DLGAP2: variants seen among roughly 807,000 people sequenced by gnomAD.
DLGAP2 encodes DLG associated protein 2, also known as disks large-associated protein 2.
Under a neutral mutation model 100.3 loss-of-function variants are expected in DLGAP2, and 26 were observed. The ratio of observed to expected loss-of-function variants is 0.26; its 90% CI spans 0.19 to 0.36. The LOEUF (loss-of-function observed/expected upper bound fraction) is 0.36. DLGAP2 is among the 10% of genes least tolerant of loss of function. The pLI is 1.00. For synonymous variants in DLGAP2, 886 were observed against 630.1 expected, an observed-to-expected ratio of 1.41 and a Z score of -6.08; for missense variants, 1,858 against 1,453.2, an observed-to-expected ratio of 1.28 and a Z score of -4.53.
chr8:1,373,239 C>T (rs1331882765), intron 3 of DLGAP2, among the ~76,000 whole-genome samples: 6 of 149,066 alleles, frequency 4.0e-5, no homozygotes, highest in Non-Finnish European at 5.9e-5. Context: ...GAGAAAGCCA[C>T]GCCCCTCGGG....
intron 2 of DLGAP2, among the ~76,000 whole-genome samples, chr8:1,189,946 C>A (rs534645715): frequency 6.6e-6 from 1 of 152,222 alleles, no homozygotes; most frequent in Non-Finnish European, 1.5e-5. Flanking sequence ...TAGGAAAAGC[C>A]AAGTAGGGTG....
intron 2 of DLGAP2, among the ~76,000 whole-genome samples, chr8:1,236,270 T>TTCTGGTTCTCTCACATGGCGCCGTG (rs1554508159): frequency 0.023 from 319 of 14,170 alleles, 1 homozygote; most frequent in African/African-American, 0.026. Context: ...ATGGTGCCGT[T>TTCTGGTTCTCTCACATGGCGCCGTG]TCTAGTTCTC....
intron 3 of DLGAP2, among the ~76,000 whole-genome samples, chr8:1,352,314 C>A (rs1047617243): frequency 1.3e-5 from 2 of 150,806 alleles, no homozygotes; most frequent in Non-Finnish European, 3.0e-5. Flanking sequence ...AAAGGCCGTG[C>A]GGGTCCTGAG....
At position 1,701,303 on chromosome 8, in the gene DLGAP2, G is replaced by A. The variant is rs1295546888; in HGVS notation, c.3065G>A (p.Arg1022His). ...AGACAACGCCAGGAAGCCCGGAGGCGCCTCATGGCCGCCAAGCGAGCGGCG... is the reference window on the plus strand; with the variant it reads ...AGACAACGCCAGGAAGCCCGGAGGCACCTCATGGCCGCCAAGCGAGCGGCG... ...PDRQRQEARR[R>H]LMAAKRAASF... Residue 1022 changes from arginine to histidine, a missense_variant, in exon 15 of 15, where the codon CGC becomes CAC. Transcript: ENST00000637795. 4 of 1,585,536 alleles carry A rather than the reference G, an allele frequency of 2.5e-6. No individual in the cohort carries two copies. The highest frequency in any genetic ancestry group is 1.2e-5 in the South Asian group (1 of 86,898).
At chr8:1,026,842 T>G (rs1327491173) in intron 2 of DLGAP2, among the ~76,000 whole-genome samples, 4 of 152,238 alleles carry the variant, frequency 2.6e-5, no homozygotes, top group African/African-American at 9.6e-5. Context: ...TATATGATAT[T>G]CTAACTGACC....
At chr8:1,616,909 A>C (rs1797173148) in intron 6 of DLGAP2, among the ~76,000 whole-genome samples, 1 of 152,076 alleles carries the variant, frequency 6.6e-6, no homozygotes, top group Admixed American at 6.6e-5. Flanking sequence ...AGGAGGCCCC[A>C]GTATGTGTAG....
At chr8:1,352,715 G>A (rs1801763731) in intron 3 of DLGAP2, among the ~76,000 whole-genome samples, 2 of 152,132 alleles carry the variant, frequency 1.3e-5, no homozygotes, top group South Asian at 4.1e-4. Context: ...TCTGCCCTGA[G>A]TTTTACAGCT....
At position 1,489,934 on chromosome 8, in the gene DLGAP2, C is replaced by T. The variant is rs191633887; in HGVS notation, c.107-11432C>T. 1.1e-4 allele frequency among the ~76,000 whole-genome samples: 16 copies of T among 152,222 alleles called. No individual in the cohort carries two copies. The East Asian group carries it at 2.9e-3, about 28-fold the overall frequency. On this transcript the variant is annotated intron_variant, in intron 3 of 14. Transcript: ENST00000637795. ...TAAGATGGAGTCTCACTCTGTCTCC[C>T]AGGCTGGAGTGCAGTGGCACAATCT...
At position 1,283,186 on chromosome 8, in the gene DLGAP2, G is replaced by A. The variant is rs62483900; in HGVS notation, c.106+24303G>A. 1.7e-3 allele frequency among the ~76,000 whole-genome samples: 230 copies of A among 133,824 alleles called. 1 individual carries two copies. Among genetic ancestry groups the A allele is most frequent in the African/African-American group, 5.8e-3 (204 of 35,412 alleles). The allele number at this position is 133,824 out of a possible 152,430, so 87.8% of individuals were successfully genotyped here. A position where few individuals can be genotyped will look rare whatever the true frequency, so the allele number is the denominator to read the frequency against. On this transcript the variant is annotated intron_variant, in intron 3 of 14. Transcript: ENST00000637795. ...ACGTGGTGTGACCTGAACCCAGCACGTGAACCATCCAGACGTGGTGTGACC... is the reference window on the plus strand; with the variant it reads ...ACGTGGTGTGACCTGAACCCAGCACATGAACCATCCAGACGTGGTGTGACC...
intron 7 of DLGAP2, among the ~76,000 whole-genome samples, chr8:1,630,236 G>A (rs543952098): frequency 3.9e-5 from 6 of 152,146 alleles, no homozygotes; most frequent in Non-Finnish European, 8.8e-5. Context: ...AGAAGACTGT[G>A]TCACACCCAG....
rs13254307 is a variant in DLGAP2, at chr8:753,298, C to T, written c.18+15473C>T. Among the ~76,000 whole-genome samples the T allele has an allele frequency of 7.6e-3, 1,152 of 152,292 alleles. 3 individuals carry two copies. The highest frequency in any genetic ancestry group is 0.016 in the South Asian group (76 of 4,828). ...CGCGTCTTTGGAGGCTCACCAGTGC[C>T]GGGAGGTCAGGCCGTCCCCTGCTCT... On this transcript the variant is annotated intron_variant, in intron 1 of 14. Transcript: ENST00000637795.
At position 1,386,545 on chromosome 8, in the gene DLGAP2, C is replaced by T. The variant is rs78609133; in HGVS notation, c.107-114821C>T. 3.8e-3 allele frequency among the ~76,000 whole-genome samples: 574 copies of T among 152,280 alleles called. 12 individuals are homozygous for T. The East Asian group carries it at 0.051, about 14-fold the overall frequency. ...GGAGCTCCAGGCACAGGCACACCAC[C>T]GGCCAGATGTGAGAGTGGAGTAAGA... On this transcript the variant is annotated intron_variant, in intron 3 of 14. Coordinates refer to ENST00000637795, the MANE Select transcript of DLGAP2 (RefSeq NM_001346810.2).
chr8:1,192,618 G>A (rs1179397639), intron 2 of DLGAP2, among the ~76,000 whole-genome samples: 1 of 147,068 alleles, frequency 6.8e-6, no homozygotes, highest in Non-Finnish European at 1.5e-5. Flanking sequence ...GATGCATCAT[G>A]TCAGTGAGTG....
intron 2 of DLGAP2, among the ~76,000 whole-genome samples, chr8:1,181,775 G>C (rs979749116): frequency 2.6e-5 from 4 of 152,106 alleles, no homozygotes; most frequent in African/African-American, 9.7e-5. Context: ...GCTGGGCTAG[G>C]GATTGATGGA....
chr8:1,451,957 A>G (rs1309667875), intron 3 of DLGAP2, among the ~76,000 whole-genome samples: 3 of 152,168 alleles, frequency 2.0e-5, no homozygotes, highest in Admixed American at 1.3e-4. Context: ...CACCACTCCC[A>G]TATCTGACTC....
intron 2 of DLGAP2, among the ~76,000 whole-genome samples, chr8:1,126,810 AC>A (rs1049836368): frequency 5.9e-5 from 9 of 152,132 alleles, no homozygotes; most frequent in South Asian, 4.1e-4. Flanking sequence ...GGAGACTCCC[AC>A]GGGCTCTGGA....
intron 2 of DLGAP2, among the ~76,000 whole-genome samples, chr8:1,178,395 G>A (rs1797307264): frequency 6.6e-6 from 1 of 152,114 alleles, no homozygotes; most frequent in Non-Finnish European, 1.5e-5. Context: ...GAGTTCCTAA[G>A]GCTTCCTTAA....
chr8:1,048,789 C>G (rs1199074281), intron 2 of DLGAP2, among the ~76,000 whole-genome samples: 1 of 152,054 alleles, frequency 6.6e-6, no homozygotes, highest in Non-Finnish European at 1.5e-5. Flanking sequence ...CAGCCACCCT[C>G]TCCTGTGTGC....
rs775248738 is a variant in DLGAP2 at position 1,549,111 on chromosome 8, G to A, written c.658G>A (p.Glu220Lys). The A allele has an allele frequency of 2.5e-6, 4 of 1,585,700 alleles. No homozygotes were observed. The highest frequency in any genetic ancestry group is 1.3e-5 in the African/African-American group (1 of 74,400). ...GTACCAGAGGACGTCCGCGGCCGCC[G>A]AGCAGCGCAGCGAGAGCCCCGGGCG... ...LQYQRTSAAA[E>K]QRSESPGRIR... The change falls in exon 5 of 15, where the codon GAG (glutamate) becomes AAG (lysine). Residue 220 changes from glutamate (E) to lysine (K), a missense_variant. Glu to Lys is a moderately conservative substitution (Grantham distance 56, BLOSUM62 1). Transcript: ENST00000637795.
Sources: gnomAD v4.1 joint callset for allele counts (sites outside exome capture counted in the v4.1 genomes callset) on GRCh38, gnomAD v4.1.1 for gene constraint, MANE v1.5 for transcripts, NCBI Gene and HGNC (gene_info 2026-07-23, HGNC 2026-07-21) for gene names.